Variants in MNAT1 observed in about 807,000 individuals in gnomAD.
MNAT1 encodes MNAT1 component of CDK activating kinase, also known as CDK-activating kinase assembly factor MAT1.
A neutral mutation model predicts 42.0 loss-of-function variants in MNAT1; 43 were observed. The observed-to-expected ratio is 1.02, with a 90% CI of 0.80 to 1.32. The LOEUF is 1.32. Ranked by LOEUF, MNAT1 falls within the 40% of genes most tolerant of loss-of-function variation. The probability of loss-of-function intolerance (pLI) is 0.00; values close to 1 mark genes in which losing one functional copy is unlikely to be tolerated. For synonymous variants in MNAT1, 118 were observed against 120.0 expected, an observed-to-expected ratio of 0.98 and a Z score of 0.11; for missense variants, 306 against 350.4, an observed-to-expected ratio of 0.87 and a Z score of 1.01.
At chr14:60,847,941 C>A (rs1478934949) in intron 6 of MNAT1, among the ~76,000 whole-genome samples, 2 of 151,502 alleles carry the variant, frequency 1.3e-5, no homozygotes, top group African/African-American at 4.9e-5. Flanking sequence ...TTTTTTGTAG[C>A]TGTTTTGTAA....
At chr14:60,913,720 G>A (rs1195760245) in intron 7 of MNAT1, among the ~76,000 whole-genome samples, 2 of 152,140 alleles carry the variant, frequency 1.3e-5, no homozygotes, top group African/African-American at 4.8e-5. Flanking sequence ...AGCCGTGTGA[G>A]GTGTCAGTCT....
intron 7 of MNAT1, among the ~76,000 whole-genome samples, chr14:60,931,749 G>A (rs1261297156): frequency 2.6e-5 from 4 of 151,776 alleles, no homozygotes; most frequent in Non-Finnish European, 5.9e-5. Context: ...ATATATATAT[G>A]TGTGTATATA....
At chr14:60,738,413 G>A (rs1023469262) in intron 1 of MNAT1, among the ~76,000 whole-genome samples, 1 of 151,442 alleles carries the variant, frequency 6.6e-6, no homozygotes, top group Admixed American at 6.6e-5. Context: ...ATGCCACCAT[G>A]CCCGGCTAAT....
In MNAT1 at chr14:60,766,893, T is replaced by G. The variant is rs535579450; in HGVS notation, c.90-29324T>G. Among the ~76,000 whole-genome samples, 202 of 152,344 alleles carry G rather than the reference T, an allele frequency of 1.3e-3. 1 individual carries two copies. Among genetic ancestry groups the G allele is most frequent in the Non-Finnish European group, 4.3e-4 (29 of 68,028 alleles). ...CTTCAAATACATTATAGTTGAAAAC[T>G]TGAAACAGTAATACAAATGCAAGAA... On this transcript the variant is annotated intron_variant, in intron 1 of 7. Coordinates refer to ENST00000261245, the MANE Select transcript of MNAT1 (RefSeq NM_002431.4).
chr14:60,773,984 A>C (rs1041699174), intron 1 of MNAT1, among the ~76,000 whole-genome samples: 4 of 152,194 alleles, frequency 2.6e-5, no homozygotes, highest in Admixed American at 1.3e-4. Flanking sequence ...AGAATGATGA[A>C]AATGGTTTTA....
At chr14:60,923,244 C>G (rs148194274) in intron 7 of MNAT1, among the ~76,000 whole-genome samples, 1 of 152,208 alleles carries the variant, frequency 6.6e-6, no homozygotes, top group African/African-American at 2.4e-5. Flanking sequence ...TGGGCCGCAC[C>G]TTCAGAGTTT....
At chr14:60,937,241 T>A (rs1014641517) in intron 7 of MNAT1, among the ~76,000 whole-genome samples, 1 of 152,224 alleles carries the variant, frequency 6.6e-6, no homozygotes, top group African/African-American at 2.4e-5. Flanking sequence ...TTAGATCCTG[T>A]TTGTCAATTT....
At chr14:60,763,298 G>C (rs1413525073) in intron 1 of MNAT1, among the ~76,000 whole-genome samples, 2 of 152,142 alleles carry the variant, frequency 1.3e-5, no homozygotes, top group African/African-American at 4.8e-5. Context: ...AATAAATGCA[G>C]CAGCTACAAC....
intron 7 of MNAT1, among the ~76,000 whole-genome samples, chr14:60,893,450 T>A (rs1191967336): frequency 6.6e-6 from 1 of 152,296 alleles, no homozygotes; most frequent in African/African-American, 2.4e-5. Context: ...ATGATACATT[T>A]GTTTTCCTGT....
chr14:60,807,387 C>A (rs1190920452), intron 3 of MNAT1, among the ~76,000 whole-genome samples: 2 of 151,794 alleles, frequency 1.3e-5, no homozygotes, highest in African/African-American at 2.4e-5. Context: ...AGGGTAGATC[C>A]GTCTTGTTTG....
At chr14:60,858,539 G>A (rs562587463) in intron 6 of MNAT1, among the ~76,000 whole-genome samples, 4 of 152,160 alleles carry the variant, frequency 2.6e-5, no homozygotes, top group African/African-American at 9.6e-5. Context: ...TCACTCTGCA[G>A]TGGTAGTATT....
intron 7 of MNAT1, among the ~76,000 whole-genome samples, chr14:60,931,654 C>A: frequency 1.3e-5 from 2 of 152,064 alleles, no homozygotes. Context: ...ATATCGTAGA[C>A]CTGAATTGTA....
chr14:60,871,369 A>G (rs1271838882), intron 6 of MNAT1, among the ~76,000 whole-genome samples: 3 of 152,170 alleles, frequency 2.0e-5, no homozygotes, highest in African/African-American at 4.8e-5. Context: ...TACTGAACTA[A>G]TTTTCAAAGT....
intron 7 of MNAT1, among the ~76,000 whole-genome samples, chr14:60,940,830 A>G (rs1348779389): frequency 1.3e-5 from 2 of 152,202 alleles, no homozygotes; most frequent in African/African-American, 4.8e-5. Flanking sequence ...TCCTTCTCAC[A>G]AATCTCTTCA....
rs1555336771 is a variant in MNAT1, at chr14:60,929,170, A to AAAATAT, written c.810-39058_810-39057insAATATA. Among the ~76,000 whole-genome samples the AAAATAT allele has an allele frequency of 2.5e-4, 12 of 47,460 alleles. No homozygotes were observed. The South Asian group carries it at 2.6e-3, about 10-fold the overall frequency. 31.1% of individuals were successfully genotyped at this position (47,460 alleles called of 152,430 possible). On this transcript the variant is annotated intron_variant, in intron 7 of 7. Coordinates refer to ENST00000261245, the MANE Select transcript of MNAT1 (RefSeq NM_002431.4). ...TCCCAAAAAAAAAAAAAAAAAAAAA[A>AAAATAT]ATATATATATATATATATATATATG... is the stretch of plus-strand genomic sequence containing the variant.
chr14:60,941,319 A>C (rs2036155123), intron 7 of MNAT1, among the ~76,000 whole-genome samples: 1 of 152,214 alleles, frequency 6.6e-6, no homozygotes, highest in South Asian at 2.1e-4. Flanking sequence ...GGATGCTTTC[A>C]ATAACATAGT....
At chr14:60,966,463 T>C (rs1193141539) in intron 7 of MNAT1, among the ~76,000 whole-genome samples, 1 of 152,116 alleles carries the variant, frequency 6.6e-6, no homozygotes, top group Non-Finnish European at 1.5e-5. Flanking sequence ...GTGGGATGTG[T>C]CCCATGAGGA....
At chr14:60,931,503 C>T (rs568014602) in intron 7 of MNAT1, among the ~76,000 whole-genome samples, 2 of 152,292 alleles carry the variant, frequency 1.3e-5, no homozygotes, top group Non-Finnish European at 2.9e-5. Context: ...CTTGCCACAG[C>T]AGCTGGGCTG....
intron 6 of MNAT1, among the ~76,000 whole-genome samples, chr14:60,821,942 A>G (rs2032901731): frequency 6.6e-6 from 1 of 152,214 alleles, no homozygotes; most frequent in Admixed American, 6.5e-5. Context: ...AATTTGATGC[A>G]ATGTACAGCC....
Sources: allele counts gnomAD v4.1 joint callset (sites outside exome capture counted in the v4.1 genomes callset), GRCh38; gene constraint gnomAD v4.1.1; transcripts MANE v1.5; gene names NCBI Gene and HGNC (gene_info 2026-07-23, HGNC 2026-07-21).